The following ANKRD11 variants were observed in gnomAD, a reference collection of about 807,000 sequenced individuals.
ANKRD11 encodes ankyrin repeat domain 11, also known as ankyrin repeat domain-containing protein 11.
A neutral mutation model predicts 195.7 loss-of-function variants in ANKRD11; 17 were observed. The observed-to-expected ratio is 0.09, with a 90% CI of 0.06 to 0.13. ANKRD11 has a LOEUF of 0.13. Ranked by LOEUF, ANKRD11 falls within the 10% of genes least tolerant of loss-of-function variation. The pLI is 1.00. For synonymous variants in ANKRD11, 1,953 were observed against 1,528.1 expected (o/e 1.28, Z -6.49); for missense variants, 3,735 against 3,566.1 (o/e 1.05, Z -1.21).
intron 4 of ANKRD11, among the ~76,000 whole-genome samples, chr16:89,294,622 C>T (rs867949272): frequency 2.6e-5 from 4 of 152,336 alleles, no homozygotes; most frequent in Middle Eastern, 6.8e-3. Flanking sequence ...CCATGTGCCA[C>T]AGCCCATGGC....
At chr16:89,399,740 G>A (rs1358500401) in intron 2 of ANKRD11, among the ~76,000 whole-genome samples, 2 of 152,178 alleles carry the variant, frequency 1.3e-5, no homozygotes, top group African/African-American at 2.4e-5. Flanking sequence ...CCAGGGGTGC[G>A]GGGGAACCCT....
At chr16:89,358,615 TAATA>T (rs1226214870) in intron 2 of ANKRD11, among the ~76,000 whole-genome samples, 5 of 152,080 alleles carry the variant, frequency 3.3e-5, no homozygotes, top group African/African-American at 9.7e-5. Flanking sequence ...AAATAATAAT[TAATA>T]AATAAACAGA....
rs540048258 is a variant in ANKRD11, at chr16:89,343,509, G to A, written c.-59-26431C>T. On this transcript the variant is annotated intron_variant, in intron 2 of 12. Transcript: ENST00000301030. ...AATGTATGTGTGAGTGAGTGAGCGA[G>A]CAAATGAGACAGAGCTCGAGGTGGG... 5.3e-5 allele frequency among the ~76,000 whole-genome samples: 8 copies of A among 152,324 alleles called. No homozygotes were observed. The East Asian group carries it at 1.5e-3, about 29-fold the overall frequency.
intron 2 of ANKRD11, among the ~76,000 whole-genome samples, chr16:89,391,572 GT>G (rs2041201849): frequency 6.6e-6 from 1 of 152,124 alleles, no homozygotes; most frequent in South Asian, 2.1e-4. Context: ...AAAAATCTGA[GT>G]TTTCCCCCTC....
At chr16:89,408,650 C>G (rs143346149) in intron 2 of ANKRD11, among the ~76,000 whole-genome samples, 19 of 152,274 alleles carry the variant, frequency 1.2e-4, no homozygotes, top group African/African-American at 3.9e-4. Flanking sequence ...ACAGCAGCCC[C>G]TCCTCGCACC....
chr16:89,322,958 T>G (rs955344512), intron 2 of ANKRD11: 5 of 259,142 alleles, frequency 1.9e-5, no homozygotes, highest in Non-Finnish European at 3.8e-5. Context: ...ATCCGCTCAC[T>G]TGAGCCTCCC....
intron 9 of ANKRD11, chr16:89,278,140 TC>T: frequency 3.6e-6 from 1 of 275,466 alleles, no homozygotes; most frequent in Non-Finnish European, 7.1e-6. Flanking sequence ...GGGAGGAGAC[TC>T]CAGGGAAGAG....
intron 1 of ANKRD11, among the ~76,000 whole-genome samples, chr16:89,435,486 G>A (rs572097227): frequency 9.9e-5 from 15 of 152,140 alleles, no homozygotes; most frequent in South Asian, 4.2e-4. Context: ...AACCCTCAGC[G>A]CGAAGGTCTG....
intron 1 of ANKRD11, among the ~76,000 whole-genome samples, chr16:89,444,484 G>A (rs1663163711): frequency 6.6e-6 from 1 of 151,886 alleles, no homozygotes; most frequent in Non-Finnish European, 1.5e-5. Flanking sequence ...AGGGAGGGGG[G>A]TTGTGTAGGG....
At chr16:89,462,561 G>A (rs2056719634) in intron 1 of ANKRD11, among the ~76,000 whole-genome samples, 2 of 147,942 alleles carry the variant, frequency 1.4e-5, no homozygotes, top group Admixed American at 1.4e-4. Context: ...CCCTCTGCCT[G>A]GCTGCCCAGT....
chr16:89,393,220 T>A (rs1352301368), intron 2 of ANKRD11, among the ~76,000 whole-genome samples: 2 of 152,096 alleles, frequency 1.3e-5, no homozygotes, highest in African/African-American at 4.8e-5. Context: ...ATTCACCTGT[T>A]CCCACAGGTG....
chr16:89,394,552 C>T (rs987870451), intron 2 of ANKRD11, among the ~76,000 whole-genome samples: 1 of 151,798 alleles, frequency 6.6e-6, no homozygotes, highest in Admixed American at 6.6e-5. Flanking sequence ...CGCTTGAACC[C>T]AGGAGGCGGA....
At chr16:89,472,842 T>A (rs946350565) in intron 1 of ANKRD11, among the ~76,000 whole-genome samples, 9 of 152,004 alleles carry the variant, frequency 5.9e-5, no homozygotes, top group African/African-American at 2.2e-4. Flanking sequence ...AAGGTGAGAA[T>A]CTAACCAATG....
intron 2 of ANKRD11, among the ~76,000 whole-genome samples, chr16:89,389,194 T>G (rs972237942): frequency 6.6e-6 from 1 of 152,092 alleles, no homozygotes; most frequent in Non-Finnish European, 1.5e-5. Flanking sequence ...AATTTTTTTT[T>G]TTTTACTTTT....
At chr16:89,371,371 C>T (rs146778766) in intron 2 of ANKRD11, among the ~76,000 whole-genome samples, 7 of 152,332 alleles carry the variant, frequency 4.6e-5, no homozygotes, top group South Asian at 2.1e-4. Context: ...CATTTGGTGT[C>T]GTTTTATGTC....
chr16:89,288,540 G>A lies in ANKRD11; in HGVS notation c.732C>T (p.Asn244=), dbSNP rs377170434. The change falls in exon 7 of 13, where the codon AAC becomes AAT. Residue 244 remains asparagine, a synonymous_variant. Coordinates refer to ENST00000301030, the MANE Select transcript of ANKRD11 (RefSeq NM_013275.6). The part of the protein sequence containing the change: ...DDTPLHDAAN[N]GHYKVVKLLL... ...GGGGGATGCCAACCTTGTAGTGCCCGTTGTTGGCAGCGTCGTGCAAAGGCG... is the reference window on the plus strand; with the variant it reads ...GGGGGATGCCAACCTTGTAGTGCCCATTGTTGGCAGCGTCGTGCAAAGGCG... 21 of 1,614,034 alleles carry A rather than the reference G, an allele frequency of 1.3e-5. No homozygotes were observed. The highest frequency in any genetic ancestry group is 1.7e-5 in the Admixed American group (1 of 60,004).
rs1248995271 is a variant in ANKRD11, at chr16:89,314,268, A to G, written c.87+2665T>C. Among the ~76,000 whole-genome samples, 3 of 146,780 alleles carry G rather than the reference A, an allele frequency of 2.0e-5. No individual in the cohort carries two copies. The South Asian group carries it at 6.5e-4, about 32-fold the overall frequency. Reference sequence around the variant, plus strand: ...GACCCTGTCTCAAAACAAACAAACAAACAACAACAACAAAAAACCACACAT... The same window carrying G: ...GACCCTGTCTCAAAACAAACAAACAGACAACAACAACAAAAAACCACACAT... On this transcript the variant is annotated intron_variant, in intron 3 of 12. Coordinates refer to ENST00000301030, the MANE Select transcript of ANKRD11 (RefSeq NM_013275.6).
chr16:89,268,697 G>T, intron 12 of ANKRD11, 34 bp from the exon 13 acceptor site: 2 of 1,558,704 alleles, frequency 1.3e-6, no homozygotes, highest in Non-Finnish European at 1.7e-6. Context: ...GGAGGGAGGA[G>T]GAGTGAAGGG....
chr16:89,302,930 C>T (rs1171507689), intron 4 of ANKRD11, among the ~76,000 whole-genome samples: 3 of 152,124 alleles, frequency 2.0e-5, no homozygotes, highest in Admixed American at 6.5e-5. Flanking sequence ...CCACAGAGAG[C>T]GAGAATGGCC....
Sources: gnomAD v4.1 joint callset for allele counts (sites outside exome capture counted in the v4.1 genomes callset) on GRCh38, gnomAD v4.1.1 for gene constraint, MANE v1.5 for transcripts, NCBI Gene and HGNC (gene_info 2026-07-23, HGNC 2026-07-21) for gene names.